PLCB1: variants seen among roughly 807,000 people sequenced by gnomAD.
PLCB1 encodes the protein phospholipase C beta 1.
PLCB1 carries 46 observed loss-of-function variants against 161.8 expected under a neutral mutation model. The ratio of observed to expected loss-of-function variants is 0.28; its 90% CI spans 0.22 to 0.36. The LOEUF (loss-of-function observed/expected upper bound fraction) is 0.36. PLCB1 is among the 10% of genes least tolerant of loss of function. PLCB1 has a pLI of 1.00. For missense variants in PLCB1, 1,016 were observed against 1,472.5 expected, an observed-to-expected ratio of 0.69 and a Z score of 5.07; for synonymous variants, 517 against 503.7, an observed-to-expected ratio of 1.03 and a Z score of -0.35.
chr20:8,634,425 G>C (rs530706735), intron 4 of PLCB1, among the ~76,000 whole-genome samples: 1 of 152,040 alleles, frequency 6.6e-6, no homozygotes, highest in Non-Finnish European at 1.5e-5. Context: ...GGAAGTTTTC[G>C]TTAACTTCGT....
intron 2 of PLCB1, among the ~76,000 whole-genome samples, chr20:8,343,935 C>T (rs113058773): frequency 4.7e-4 from 71 of 152,274 alleles, no homozygotes; most frequent in African/African-American, 1.6e-3. Flanking sequence ...GATTGGCTGA[C>T]GTACTCGTTG....
chr20:8,820,801 A>T (rs77522158), intron 31 of PLCB1, among the ~76,000 whole-genome samples: 4,023 of 152,288 alleles, frequency 0.026, 167 homozygotes, highest in African/African-American at 0.092. Flanking sequence ...CAACTAAATA[A>T]ATATGACTTG....
chr20:8,455,102 G>A (rs1430274027), intron 3 of PLCB1, among the ~76,000 whole-genome samples: 1 of 151,440 alleles, frequency 6.6e-6, no homozygotes. Context: ...GGAAGCCGAG[G>A]TGGGCAGATC....
At chr20:8,412,372 G>A (rs550877823) in intron 3 of PLCB1, among the ~76,000 whole-genome samples, 1 of 152,344 alleles carries the variant, frequency 6.6e-6, no homozygotes, top group South Asian at 2.1e-4. Context: ...TGACCCCACT[G>A]TGGGGTTCCA....
Position 8,760,404 on chromosome 20 carries a change from C to T in PLCB1, c.2657-3C>T. 6.3e-7 allele frequency: 1 copy of T among 1,588,106 alleles called. No individual in the cohort carries two copies. The highest frequency in any genetic ancestry group is 8.6e-7 in the Non-Finnish European group (1 of 1,157,704). The stretch of plus-strand genomic sequence containing the variant: ...GCTATTTATTTTATCTTTTATATTA[C>T]AGGTTCTGTAAAGGCACCTGCCAAA... On this transcript the variant is annotated splice_region_variant and splice_polypyrimidine_tract_variant and intron_variant, in intron 24 of 31. Coordinates refer to ENST00000338037, the MANE Select transcript of PLCB1 (RefSeq NM_015192.4).
chr20:8,332,740 A>T (rs1985413561), intron 2 of PLCB1, among the ~76,000 whole-genome samples: 1 of 152,170 alleles, frequency 6.6e-6, no homozygotes, highest in Non-Finnish European at 1.5e-5. Context: ...CTGGCTTTTG[A>T]GGCAGGAACT....
intron 2 of PLCB1, among the ~76,000 whole-genome samples, chr20:8,328,349 C>A (rs1035700230): frequency 6.6e-6 from 1 of 151,914 alleles, no homozygotes; most frequent in African/African-American, 2.4e-5. Context: ...TGCTTCTGAA[C>A]AGTGCTTAAA....
intron 31 of PLCB1, among the ~76,000 whole-genome samples, chr20:8,800,675 G>T (rs914081381): frequency 7.2e-5 from 11 of 152,088 alleles, no homozygotes; most frequent in Admixed American, 7.2e-4. Flanking sequence ...GGCTGAGAAA[G>T]ATTTGTTTCC....
chr20:8,278,645 C>G (rs1326325828), intron 2 of PLCB1, among the ~76,000 whole-genome samples: 2 of 151,986 alleles, frequency 1.3e-5, no homozygotes, highest in African/African-American at 2.4e-5. Flanking sequence ...GAGAAGCTAT[C>G]ACTATATGTC....
chr20:8,386,951 C>T (rs553656544), intron 3 of PLCB1, among the ~76,000 whole-genome samples: 2 of 152,326 alleles, frequency 1.3e-5, no homozygotes, highest in African/African-American at 4.8e-5. Context: ...TAGCCTCTCT[C>T]AGTTGTCACA....
intron 12 of PLCB1, among the ~76,000 whole-genome samples, chr20:8,708,964 A>G (rs1445311108): frequency 1.3e-5 from 2 of 152,230 alleles, no homozygotes; most frequent in Admixed American, 1.3e-4. Flanking sequence ...CTATTTTCAT[A>G]CCATAGTATG....
chr20:8,170,061 G>T (rs2051718047), intron 2 of PLCB1, among the ~76,000 whole-genome samples: 2 of 152,122 alleles, frequency 1.3e-5, no homozygotes, highest in African/African-American at 4.8e-5. Flanking sequence ...TATTCCTCCT[G>T]CTGGTCAGTG....
chr20:8,780,617 C>T lies in PLCB1; in HGVS notation c.3111+5898C>T, dbSNP rs577011010. On this transcript the variant is annotated intron_variant, in intron 27 of 31. Transcript: ENST00000338037. Reference sequence around the variant, plus strand: ...CAATCATTTCAGGACCCCAAACCAACGTTAGTACCATCAAACTGAGTTCAG... The same window carrying T: ...CAATCATTTCAGGACCCCAAACCAATGTTAGTACCATCAAACTGAGTTCAG... Among the ~76,000 whole-genome samples, 6 of 152,250 alleles carry T rather than the reference C, an allele frequency of 3.9e-5. No individual in the cohort carries two copies. In the South Asian group the frequency reaches 1.0e-3, roughly 26 times the overall value.
At chr20:8,785,640 G>A (rs542304024) in intron 27 of PLCB1, among the ~76,000 whole-genome samples, 2 of 152,274 alleles carry the variant, frequency 1.3e-5, no homozygotes, top group East Asian at 3.9e-4. Flanking sequence ...CTTCTGGGGA[G>A]TCTGGAGGGA....
At chr20:8,226,597 G>C (rs968154936) in intron 2 of PLCB1, among the ~76,000 whole-genome samples, 4 of 151,942 alleles carry the variant, frequency 2.6e-5, no homozygotes, top group Non-Finnish European at 5.9e-5. Flanking sequence ...CAGTCTTCCA[G>C]AATTGACGCA....
intron 3 of PLCB1, among the ~76,000 whole-genome samples, chr20:8,433,812 A>C (rs1291702201): frequency 6.6e-6 from 1 of 152,038 alleles, no homozygotes; most frequent in African/African-American, 2.4e-5. Context: ...GCTTTAAATG[A>C]TGTCTACTTG....
intron 31 of PLCB1, among the ~76,000 whole-genome samples, chr20:8,805,500 T>C (rs1242851740): frequency 6.6e-6 from 1 of 152,208 alleles, no homozygotes; most frequent in African/African-American, 2.4e-5. Flanking sequence ...TCCTACATGC[T>C]TTGAAATAAT....
At chr20:8,881,392 A>T (rs1987981905) in intron 31 of PLCB1, among the ~76,000 whole-genome samples, 1 of 148,512 alleles carries the variant, frequency 6.7e-6, no homozygotes, top group African/African-American at 2.5e-5. Context: ...TCTTATTCTG[A>T]GTCTTTAGCC....
chr20:8,446,043 C>T (rs547658818), intron 3 of PLCB1, among the ~76,000 whole-genome samples: 14 of 152,228 alleles, frequency 9.2e-5, no homozygotes, highest in African/African-American at 3.1e-4. Context: ...GGGAATCCTC[C>T]CTAACTCATT....
Sources: gnomAD v4.1 joint callset for allele counts (sites outside exome capture counted in the v4.1 genomes callset) on GRCh38, gnomAD v4.1.1 for gene constraint, MANE v1.5 for transcripts, NCBI Gene and HGNC (gene_info 2026-07-23, HGNC 2026-07-21) for gene names.